SENP2: variants seen among roughly 807,000 people sequenced by gnomAD.
SENP2 encodes sentrin-specific protease 2.
Under a neutral mutation model 86.3 loss-of-function variants are expected in SENP2, and 16 were observed. That is an observed-to-expected ratio of 0.19 (90% CI 0.13 to 0.28). The LOEUF (loss-of-function observed/expected upper bound fraction) is 0.28. SENP2 is among the 10% of genes least tolerant of loss of function. The pLI is 1.00. For synonymous variants in SENP2, 222 were observed against 238.7 expected, an observed-to-expected ratio of 0.93 and a Z score of 0.64; for missense variants, 552 against 703.0, an observed-to-expected ratio of 0.79 and a Z score of 2.43.
At chr3:185,621,773 C>A in intron 13 of SENP2, 53 bp from the exon 14 acceptor site, 2 of 1,063,664 alleles carry the variant, frequency 1.9e-6, no homozygotes, top group South Asian at 1.4e-5. Context: ...AAGTAAAATT[C>A]TCACTCCTCT....
intron 13 of SENP2, among the ~76,000 whole-genome samples, chr3:185,620,345 G>A (rs997963029): frequency 6.6e-6 from 1 of 152,136 alleles, no homozygotes; most frequent in African/African-American, 2.4e-5. Context: ...TCAGAATGAT[G>A]GGTGAGATGC....
At chr3:185,603,966 C>A (rs1394726587) in intron 5 of SENP2, among the ~76,000 whole-genome samples, 1 of 151,926 alleles carries the variant, frequency 6.6e-6, no homozygotes, top group Admixed American at 6.6e-5. Flanking sequence ...TACTAAAATA[C>A]AAAAATTAGC....
chr3:185,602,317 G>A (rs1287663380), intron 5 of SENP2, among the ~76,000 whole-genome samples: 1 of 152,162 alleles, frequency 6.6e-6, no homozygotes, highest in Non-Finnish European at 1.5e-5. Flanking sequence ...AGTATAAAGT[G>A]AGTCTGAACA....
chr3:185,600,555 A>G (rs982731190), intron 4 of SENP2, among the ~76,000 whole-genome samples: 4 of 152,124 alleles, frequency 2.6e-5, no homozygotes, highest in East Asian at 1.9e-4. Flanking sequence ...GTTATTACCT[A>G]TCTGAGATCA....
intron 15 of SENP2, among the ~76,000 whole-genome samples, chr3:185,624,408 G>A (rs1712045088): frequency 6.6e-6 from 1 of 152,030 alleles, no homozygotes; most frequent in Non-Finnish European, 1.5e-5. Context: ...TTGTCTAAAT[G>A]TAAATATTAA....
chr3:185,621,787 A>C, intron 13 of SENP2, 39 bp from the exon 14 acceptor site: 1 of 1,236,806 alleles, frequency 8.1e-7, no homozygotes, highest in East Asian at 2.3e-5. Flanking sequence ...CTCCTCTTAC[A>C]TTTAAGATGT....
intron 15 of SENP2, among the ~76,000 whole-genome samples, chr3:185,625,176 A>G (rs1028486395): frequency 1.3e-5 from 2 of 151,708 alleles, no homozygotes; most frequent in Non-Finnish European, 2.9e-5. Flanking sequence ...CAGTGGCGCA[A>G]TCTTGGCTCA....
At chr3:185,625,819 A>G (rs997686368) in intron 15 of SENP2, among the ~76,000 whole-genome samples, 1 of 152,138 alleles carries the variant, frequency 6.6e-6, no homozygotes, top group African/African-American at 2.4e-5. Context: ...AAATTGATAA[A>G]TGCTTCTGAA....
chr3:185,622,060 T>A (rs983853650), intron 14 of SENP2, among the ~76,000 whole-genome samples, 155 bp downstream of exon 14: 1 of 152,198 alleles, frequency 6.6e-6, no homozygotes, highest in Non-Finnish European at 1.5e-5. Flanking sequence ...TGATTTCAAC[T>A]GAGAAAACGT....
intron 7 of SENP2, among the ~76,000 whole-genome samples, chr3:185,611,242 A>G (rs1367542361): frequency 1.3e-5 from 2 of 152,224 alleles, no homozygotes; most frequent in Non-Finnish European, 2.9e-5. Flanking sequence ...ACACCACTGC[A>G]CTCCAGCCTG....
intron 4 of SENP2, among the ~76,000 whole-genome samples, chr3:185,599,817 T>C (rs1722286725): frequency 6.6e-6 from 1 of 151,252 alleles, no homozygotes; most frequent in African/African-American, 2.4e-5. Flanking sequence ...TTCTTTTTTT[T>C]TTTTTTTTTG....
chr3:185,627,937 G>A (rs1485493532), intron 16 of SENP2, among the ~76,000 whole-genome samples: 2 of 152,052 alleles, frequency 1.3e-5, no homozygotes, highest in Admixed American at 1.3e-4. Flanking sequence ...ACTCTATTAC[G>A]TGAAGTAACT....
intron 16 of SENP2, 27 bp downstream of exon 16, chr3:185,626,420 T>TA: frequency 6.8e-7 from 1 of 1,476,366 alleles, no homozygotes; most frequent in Non-Finnish European, 9.5e-7. Flanking sequence ...TTCATCCATT[T>TA]ACTTGTTACT....
chr3:185,616,719 A>G (rs761935782), intron 11 of SENP2, among the ~76,000 whole-genome samples: 83 of 151,124 alleles, frequency 5.5e-4, no homozygotes, highest in Middle Eastern at 3.4e-3. Context: ...AGCTTGCAGT[A>G]AGCCGAGATG....
intron 10 of SENP2, 159 bp from the exon 11 acceptor site, chr3:185,614,405 C>A (rs1711522912): frequency 1.4e-6 from 1 of 717,792 alleles, no homozygotes; most frequent in Non-Finnish European, 2.2e-6. Context: ...TTTGCTCCCC[C>A]TTGCAGGGAC....
Position 185,586,328 on chromosome 3 carries a change from T to C in SENP2, c.-86T>C. ...GCGACCGAACTCTGGCGGTGGTGGT[T>C]AAGACGGCGAAGGCGGCAGCGGCGG... On this transcript the variant is annotated 5_prime_UTR_variant, in exon 1 of 17. Coordinates refer to ENST00000296257, the MANE Select transcript of SENP2 (RefSeq NM_021627.3). This position sits in a 1 kb window ranked among gnomAD's most constrained non-coding sequence, Gnocchi z 4.3. 3 of 1,591,848 alleles carry C rather than the reference T, an allele frequency of 1.9e-6. No individual in the cohort carries two copies. Among genetic ancestry groups the C allele is most frequent in the Admixed American group, 3.5e-5 (2 of 57,452 alleles).
At chr3:185,592,143 A>G (rs1722029723) in intron 2 of SENP2, among the ~76,000 whole-genome samples, 1 of 149,616 alleles carries the variant, frequency 6.7e-6, no homozygotes, top group Non-Finnish European at 1.5e-5. Context: ...CAGTGGCACG[A>G]TCGTAGCTCA....
At chr3:185,617,419 T>G (rs1479970959) in intron 11 of SENP2, 61 bp from the exon 12 acceptor site, 2 of 1,462,092 alleles carry the variant, frequency 1.4e-6, no homozygotes, top group African/African-American at 2.9e-5. Context: ...CTCGGAGTTT[T>G]CAATAACTGA....
chr3:185,622,590 T>C (rs1711939520), intron 14 of SENP2, among the ~76,000 whole-genome samples: 1 of 152,100 alleles, frequency 6.6e-6, no homozygotes, highest in Non-Finnish European at 1.5e-5. Flanking sequence ...ATAAAAAGCA[T>C]AGAGAAGAAA....
Sources: allele counts gnomAD v4.1 joint callset (sites outside exome capture counted in the v4.1 genomes callset), GRCh38; gene constraint gnomAD v4.1.1; non-coding constraint Gnocchi (gnomAD v3.1); transcripts MANE v1.5; gene names NCBI Gene and HGNC (gene_info 2026-07-23, HGNC 2026-07-21).